The following COL5A1 variants were observed in gnomAD, a reference collection of about 807,000 sequenced individuals.
The protein encoded by COL5A1 is collagen type V alpha 1 chain, also known as collagen alpha-1(V) chain.
A neutral mutation model predicts 263.7 loss-of-function variants in COL5A1; 16 were observed. That is an observed-to-expected ratio of 0.06 (90% CI 0.04 to 0.09). The LOEUF (loss-of-function observed/expected upper bound fraction) is 0.09. Ranked by LOEUF, COL5A1 falls within the 10% of genes least tolerant of loss-of-function variation. The probability of loss-of-function intolerance (pLI) is 1.00; values close to 1 mark genes in which losing one functional copy is unlikely to be tolerated. For synonymous variants in COL5A1, 1,012 were observed against 1,004.5 expected (o/e 1.01, Z -0.14); for missense variants, 2,036 against 2,540.5 (o/e 0.80, Z 4.27).
At chr9:134,808,832 C>A (rs763536470) in intron 42 of COL5A1, 6 of 348,874 alleles carry the variant, frequency 1.7e-5, no homozygotes, top group Non-Finnish European at 3.3e-5. Context: ...GCTTGGCTCC[C>A]GGTCACTAGC....
intron 28 of COL5A1, among the ~76,000 whole-genome samples, chr9:134,781,307 C>T (rs1837244781): frequency 6.6e-6 from 1 of 152,236 alleles, no homozygotes. Flanking sequence ...CGGCTCCTTC[C>T]CAAGGGCATC....
At position 134,677,666 on chromosome 9, in the gene COL5A1, G is replaced by A. The variant is rs921917864; in HGVS notation, c.110-13246G>A. Among the ~76,000 whole-genome samples the A allele has an allele frequency of 1.3e-5, 2 of 152,180 alleles. No individual in the cohort carries two copies. Among genetic ancestry groups the A allele is most frequent in the Admixed American group, 1.3e-4 (2 of 15,278 alleles). ...TTCTTCAAGCGCCCTTTTCCATCCT[G>A]TAGTGAGCCATCTGTCTATATCCAT... On this transcript the variant is annotated intron_variant, in intron 1 of 65. Coordinates refer to ENST00000371817, the MANE Select transcript of COL5A1 (RefSeq NM_000093.5). This position sits in a 1 kb window ranked among gnomAD's most constrained non-coding sequence, Gnocchi z 4.4.
At chr9:134,738,171 G>A (rs1835170879) in intron 9 of COL5A1, among the ~76,000 whole-genome samples, 1 of 152,178 alleles carries the variant, frequency 6.6e-6, no homozygotes, top group Non-Finnish European at 1.5e-5. Context: ...GAGCCTGGCG[G>A]TCTCGGCTCC....
At chr9:134,781,102 T>C (rs1837234733) in intron 28 of COL5A1, among the ~76,000 whole-genome samples, 2 of 152,244 alleles carry the variant, frequency 1.3e-5, no homozygotes, top group Non-Finnish European at 2.9e-5. Flanking sequence ...GCTTGGATCC[T>C]TTCTTGTGAA....
chr9:134,771,269 G>C (rs56024525), intron 25 of COL5A1, among the ~76,000 whole-genome samples: 4,051 of 152,334 alleles, frequency 0.027, 54 homozygotes, highest in East Asian at 0.052. Context: ...CTGATAGAAA[G>C]TGTAATAAAG....
Position 134,842,167 on chromosome 9 carries a change from G to A in COL5A1, c.5381G>A (p.Gly1794Asp). Residue 1794 changes from glycine to aspartate, a missense_variant, in exon 66 of 66, where the codon GGC becomes GAC. Coordinates refer to ENST00000371817, the MANE Select transcript of COL5A1 (RefSeq NM_000093.5). This position sits in a 1 kb window ranked among gnomAD's most constrained non-coding sequence, Gnocchi z 5.8. ...ALVDGCATKK[G>D]YQKTVLEIDT... ...CTCCCTCTTCCCCAGACCAAGAAAG[G>A]CTACCAGAAGACGGTTCTGGAGATC... 6.2e-7 allele frequency: 1 copy of A among 1,614,030 alleles called. No individual in the cohort carries two copies.
At chr9:134,738,334 T>C in intron 9 of COL5A1, 140 bp from the exon 10 acceptor site, 1 of 880,654 alleles carries the variant, frequency 1.1e-6, no homozygotes, top group Non-Finnish European at 1.8e-6. Flanking sequence ...CTTTGCAGTC[T>C]GTGCTCGTGA....
intron 63 of COL5A1, among the ~76,000 whole-genome samples, chr9:134,829,339 C>G (rs10125209): frequency 6.7e-6 from 1 of 148,928 alleles, no homozygotes; most frequent in African/African-American, 2.5e-5. Context: ...CCAGTCTCCC[C>G]GAGGGCTGGG....
chr9:134,695,486 C>G lies in COL5A1; in HGVS notation c.277+4407C>G, dbSNP rs571586698. 3.5e-4 allele frequency among the ~76,000 whole-genome samples: 53 copies of G among 152,350 alleles called. 1 individual carries two copies. Among genetic ancestry groups the G allele is most frequent in the African/African-American group, 1.1e-3 (47 of 41,582 alleles). Reference sequence around the variant, plus strand: ...CAGGGACGGCCGAACAGGGTGCCAGCTGCAGGGGCAGGCTGACGTGAGGGG... The same window carrying G: ...CAGGGACGGCCGAACAGGGTGCCAGGTGCAGGGGCAGGCTGACGTGAGGGG... On this transcript the variant is annotated intron_variant, in intron 2 of 65. Coordinates refer to ENST00000371817, the MANE Select transcript of COL5A1 (RefSeq NM_000093.5).
intron 4 of COL5A1, among the ~76,000 whole-genome samples, chr9:134,723,054 G>A (rs879841162): frequency 3.9e-5 from 6 of 152,302 alleles, no homozygotes; most frequent in South Asian, 2.1e-4. Flanking sequence ...GTCACTCCCC[G>A]TCCCCGTGCT....
rs913757751 is a variant in COL5A1, at chr9:134,779,966, G to A, written c.2386-136G>A. The A allele has an allele frequency of 1.3e-4, 123 of 916,054 alleles. 1 individual carries two copies. Among genetic ancestry groups the A allele is most frequent in the Non-Finnish European group, 1.1e-4 (63 of 555,000 alleles). The allele number at this position is 916,054 out of a possible 1,614,324, so 56.7% of individuals were successfully genotyped here. ...GAGGCCACAGGGGGACATATGGGAGGAAGTGTGTTGAGGGCAGGGCGCTGG... is the reference window on the plus strand; with the variant it reads ...GAGGCCACAGGGGGACATATGGGAGAAAGTGTGTTGAGGGCAGGGCGCTGG... On this transcript the variant is annotated intron_variant, in intron 27 of 65. Transcript: ENST00000371817.
At chr9:134,822,332 A>G (rs1354745342) in intron 59 of COL5A1, among the ~76,000 whole-genome samples, 182 bp downstream of exon 59, 2 of 152,164 alleles carry the variant, frequency 1.3e-5, no homozygotes, top group Non-Finnish European at 2.9e-5. Flanking sequence ...GAAGAAAGGA[A>G]GTGGCGTTGC....
intron 44 of COL5A1, 60 bp downstream of exon 44, chr9:134,810,368 C>A: frequency 6.6e-7 from 1 of 1,516,696 alleles, no homozygotes; most frequent in Non-Finnish European, 9.1e-7. Context: ...TCGTCGCAGG[C>A]TGTAGGCCGT....
chr9:134,768,559 C>T (rs533892211), intron 25 of COL5A1, 96 bp downstream of exon 25: 34 of 1,269,750 alleles, frequency 2.7e-5, no homozygotes, highest in East Asian at 1.9e-4. Flanking sequence ...TGTTGTTGGA[C>T]GGCATTGACT....
At chr9:134,820,317 C>T (rs1564482585) in intron 58 of COL5A1, 94 bp downstream of exon 58, 19 of 960,658 alleles carry the variant, frequency 2.0e-5, no homozygotes, top group South Asian at 4.0e-5. Context: ...CATCAGAGCC[C>T]GGAAGGACGT....
chr9:134,672,610 A>G (rs1277864112), intron 1 of COL5A1, among the ~76,000 whole-genome samples: 2 of 152,366 alleles, frequency 1.3e-5, no homozygotes, highest in East Asian at 3.9e-4. Context: ...AAGATCAGGA[A>G]CAAGGCAGGA....
rs1287460978 is a variant in COL5A1, at chr9:134,654,329, G to C, written c.109+12033G>C. On this transcript the variant is annotated intron_variant, in intron 1 of 65. Transcript: ENST00000371817. The stretch of plus-strand genomic sequence containing the variant: ...GGCTGGAGGAGTGTAGGGCTGGGGT[G>C]TGTGTAGGGCTGGGGGTGTGTAGGG... Among the ~76,000 whole-genome samples the C allele has an allele frequency of 7.2e-5, 9 of 124,204 alleles. No individual in the cohort carries two copies. The South Asian group carries it at 1.7e-3, about 24-fold the overall frequency. 81.5% of individuals were successfully genotyped at this position (124,204 alleles called of 152,430 possible).
At chr9:134,744,457 ACT>A (rs1461424420) in intron 11 of COL5A1, among the ~76,000 whole-genome samples, 1 of 151,272 alleles carries the variant, frequency 6.6e-6, no homozygotes, top group Non-Finnish European at 1.5e-5. Context: ...ACACGCACAC[ACT>A]CACCTATACA....
chr9:134,731,782 C>T (rs1834892530), intron 8 of COL5A1, 119 bp downstream of exon 8: 1 of 1,150,018 alleles, frequency 8.7e-7, no homozygotes, highest in East Asian at 2.4e-5. Flanking sequence ...AGTGTTACAC[C>T]CTATTCCCAA....
Sources: allele counts gnomAD v4.1 joint callset (sites outside exome capture counted in the v4.1 genomes callset), GRCh38; gene constraint gnomAD v4.1.1; non-coding constraint Gnocchi (gnomAD v3.1); transcripts MANE v1.5; gene names NCBI Gene and HGNC (gene_info 2026-07-23, HGNC 2026-07-21).